Variants in ZBTB21 observed in about 807,000 individuals in gnomAD.
ZBTB21 encodes the protein zinc finger and BTB domain containing 21.
Under a neutral mutation model 39.8 loss-of-function variants are expected in ZBTB21, and 10 were observed. The ratio of observed to expected loss-of-function variants is 0.25; its 90% CI spans 0.16 to 0.43. ZBTB21 has a LOEUF of 0.43. ZBTB21 is among the 20% of genes least tolerant of loss of function. ZBTB21 has a pLI of 1.00. For missense variants in ZBTB21, 1,221 were observed against 1,296.3 expected (o/e 0.94, Z 0.89); for synonymous variants, 551 against 498.8 (o/e 1.10, Z -1.40).
chr21:41,994,270 G>A (rs1181041813), intron 2 of ZBTB21, among the ~76,000 whole-genome samples, 162 bp from the exon 3 acceptor site: 1 of 152,164 alleles, frequency 6.6e-6, no homozygotes, highest in Non-Finnish European at 1.5e-5. Flanking sequence ...AAATAATGGT[G>A]AAAATGTAAA....
At chr21:42,001,195 G>C (rs2065813287) in intron 2 of ZBTB21, among the ~76,000 whole-genome samples, 1 of 149,328 alleles carries the variant, frequency 6.7e-6, no homozygotes, top group South Asian at 2.1e-4. Flanking sequence ...CAGAGGCTAA[G>C]CTCTTAACCC....
chr21:41,997,039 T>C (rs562094279), intron 2 of ZBTB21, among the ~76,000 whole-genome samples: 2 of 152,212 alleles, frequency 1.3e-5, no homozygotes, highest in African/African-American at 4.8e-5. Context: ...GTCTCAGGTA[T>C]GTCTTTATTA....
intron 2 of ZBTB21, among the ~76,000 whole-genome samples, chr21:41,996,504 T>C (rs1217254872): frequency 6.6e-6 from 1 of 152,218 alleles, no homozygotes; most frequent in African/African-American, 2.4e-5. Context: ...CCAATGCCTG[T>C]ACCCCCACTG....
rs750386843 is a variant in ZBTB21 at position 41,991,399 on chromosome 21, T to C, written c.2697A>G (p.Glu899=). 3.7e-6 allele frequency: 6 copies of C among 1,608,108 alleles called. No homozygotes were observed. The Admixed American group carries it at 1.0e-4, about 27-fold the overall frequency. ...GGCTGGCTTCTTTGCTAGGACCCGC[T>C]TCTTTGGGGGCTGTGCTGGCCTCGG... ...EAPEASTAPK[E]AGPSKEASLW... Residue 899 remains glutamate (E), a synonymous_variant, in exon 3 of 3, where the codon GAA becomes GAG. Coordinates refer to ENST00000310826, the MANE Select transcript of ZBTB21 (RefSeq NM_001098402.2). The surrounding 1 kb of genome is among the most constrained non-coding windows in gnomAD (Gnocchi z 4.9).
chr21:41,991,830 T>A lies in ZBTB21; in HGVS notation c.2266A>T (p.Arg756Trp). ...NAAVCPYCSL[R>W]FFSPELKQEH... ...TGCTTCAGCTCGGGCGAGAAAAACC[T>A]GAGGCTGCAGTAAGGGCAGACGGCC... Residue 756 changes from arginine (R) to tryptophan (W), a missense_variant, in exon 3 of 3, where the codon AGG becomes TGG. This residue lies in a region of ZBTB21 where 523 missense variants were observed against 542.5 expected (regional missense o/e 0.96). Transcript: ENST00000310826. The surrounding 1 kb of genome is among the most constrained non-coding windows in gnomAD (Gnocchi z 4.9). 1 of 1,614,228 alleles carries A rather than the reference T, an allele frequency of 6.2e-7. No homozygotes were observed. Among genetic ancestry groups the A allele is most frequent in the Admixed American group, 1.7e-5 (1 of 60,030 alleles).
In ZBTB21 at chr21:41,993,216, C is replaced by T. The variant is rs751692990; in HGVS notation, c.880G>A (p.Glu294Lys). 3.5e-5 allele frequency: 56 copies of T among 1,612,026 alleles called. 1 individual carries two copies. In the South Asian group the frequency reaches 5.7e-4, roughly 16 times the overall value. ...SSSETPYLLKETNKGNGQGED... is the reference protein window; with the variant it reads ...SSSETPYLLKKTNKGNGQGED... Reference sequence around the variant, plus strand: ...CCTTGACCATTTCCTTTGTTAGTTTCTTTTAATAGATAGGGAGTCTCTGAT... The same window carrying T: ...CCTTGACCATTTCCTTTGTTAGTTTTTTTTAATAGATAGGGAGTCTCTGAT... Residue 294 changes from glutamate (E) to lysine (K), a missense_variant, in exon 3 of 3, where the codon GAA becomes AAA. By Grantham distance (56) the Glu-to-Lys change is moderately conservative. This residue lies in a region of ZBTB21 where 500 missense variants were observed against 465.6 expected (regional missense o/e 1.07). Transcript: ENST00000310826.
At chr21:42,006,918 G>A (rs986496102) in intron 1 of ZBTB21, among the ~76,000 whole-genome samples, 7 of 152,196 alleles carry the variant, frequency 4.6e-5, no homozygotes, top group Admixed American at 2.0e-4. Flanking sequence ...AGCCTCAGAA[G>A]AAGCCAACCC....
At position 41,991,620 on chromosome 21, in the gene ZBTB21, G is replaced by C. The variant is rs760398117; in HGVS notation, c.2476C>G (p.Pro826Ala). The C allele has an allele frequency of 8.1e-6, 13 of 1,614,036 alleles. No homozygotes were observed. The highest frequency in any genetic ancestry group is 1.1e-5 in the Non-Finnish European group (13 of 1,180,032). ...TTGTTGGGCTCAGGCTGGGATTGGGGCCTTGAAGAACCAGTCACATCACCA... is the reference window on the plus strand; with the variant it reads ...TTGTTGGGCTCAGGCTGGGATTGGGCCCTTGAAGAACCAGTCACATCACCA... ...HNGDVTGSSR[P>A]QSQPEPNKVN... is the part of the protein sequence containing the mutation. The change falls in exon 3 of 3, where the codon CCC (proline) becomes GCC (alanine). Residue 826 changes from proline to alanine, a missense_variant. Around this residue, in one of 4 missense-constraint regions of ZBTB21, gnomAD observed 523 missense variants for 542.5 expected, o/e 0.96. Coordinates refer to ENST00000310826, the MANE Select transcript of ZBTB21 (RefSeq NM_001098402.2). The surrounding 1 kb of genome is among the most constrained non-coding windows in gnomAD (Gnocchi z 4.9).
chr21:42,008,379 G>C (rs1310794560), intron 1 of ZBTB21, among the ~76,000 whole-genome samples: 1 of 144,564 alleles, frequency 6.9e-6, no homozygotes, highest in Non-Finnish European at 1.5e-5. Flanking sequence ...TTAGCTGGGC[G>C]ATGTGGCGGA....
At chr21:42,000,446 C>A (rs2187239) in intron 2 of ZBTB21, among the ~76,000 whole-genome samples, 96,429 of 151,920 alleles carry the variant, frequency 0.63, 32,130 homozygotes, top group African/African-American at 0.78. Flanking sequence ...GCACAGGTAA[C>A]GGCTAACCAC....
rs1362887961 is a variant in ZBTB21, at chr21:41,993,552, C to A, written c.544G>T (p.Val182Phe). The A allele has an allele frequency of 6.2e-7, 1 of 1,614,226 alleles. No homozygotes were observed. The highest frequency in any genetic ancestry group is 8.5e-7 in the Non-Finnish European group (1 of 1,180,032). Residue 182 changes from valine (V) to phenylalanine (F), a missense_variant, in exon 3 of 3, where the codon GTC becomes TTC. By Grantham distance (50) the Val-to-Phe change is conservative (BLOSUM62 -1). This residue lies in a region of ZBTB21 where 500 missense variants were observed against 465.6 expected (regional missense o/e 1.07). Transcript: ENST00000310826. ...HTSRPSPSIA[V>F]KANTNKPHVP... ...TGTGGCTTATTGGTATTGGCCTTGA[C>A]TGCAATGCTAGGAGAGGGCCGGGAA...
chr21:41,994,205 C>A, intron 2 of ZBTB21, 97 bp from the exon 3 acceptor site: 1 of 1,016,302 alleles, frequency 9.8e-7, no homozygotes, highest in Non-Finnish European at 1.4e-6. Flanking sequence ...GCATAGGTAC[C>A]AATATTTAGC....
At position 41,992,488 on chromosome 21, in the gene ZBTB21, C is replaced by T. The variant is rs373761768; in HGVS notation, c.1608G>A (p.Glu536=). Residue 536 remains glutamate, a synonymous_variant, in exon 3 of 3, where the codon GAG becomes GAA. Transcript: ENST00000310826. The surrounding 1 kb of genome is among the most constrained non-coding windows in gnomAD (Gnocchi z 4.1). ...TTTTGTTTGGTCTCGTCCCCTCCAA[C>T]TCACCAAATTCGTCTTTATTCAAAT... ...DSDLNKDEFG[E]LEGTRPNKKF... 5 of 1,614,094 alleles carry T rather than the reference C, an allele frequency of 3.1e-6. No individual in the cohort carries two copies. Among genetic ancestry groups the T allele is most frequent in the African/African-American group, 2.7e-5 (2 of 74,914 alleles).
Position 41,991,653 on chromosome 21 carries a change from C to T in ZBTB21, c.2443G>A (p.Asp815Asn). The change falls in exon 3 of 3, where the codon GAC becomes AAC. Residue 815 changes from aspartate (D) to asparagine (N), a missense_variant. This residue lies in a region of ZBTB21 where 523 missense variants were observed against 542.5 expected (regional missense o/e 0.96). Transcript: ENST00000310826. The surrounding 1 kb of genome is among the most constrained non-coding windows in gnomAD (Gnocchi z 4.9). ...GAACCAGTCACATCACCATTGTGGT[C>T]CAAAACGGGCAAAGAAAAGTTTTCG... Reference protein sequence around the residue: ...PTENFSLPVLDHNGDVTGSSR... With the variant: ...PTENFSLPVLNHNGDVTGSSR... The T allele has an allele frequency of 6.2e-7, 1 of 1,614,062 alleles. No individual in the cohort carries two copies. The highest frequency in any genetic ancestry group is 8.5e-7 in the Non-Finnish European group (1 of 1,180,012).
Position 41,991,252 on chromosome 21 carries a change from A to C in ZBTB21, c.2844T>G (p.Thr948=). 1 of 1,614,198 alleles carries C rather than the reference A, an allele frequency of 6.2e-7. No homozygotes were observed. The highest frequency in any genetic ancestry group is 8.5e-7 in the Non-Finnish European group (1 of 1,180,034). Residue 948 remains threonine, a synonymous_variant, in exon 3 of 3, where the codon ACT becomes ACG. Transcript: ENST00000310826. The surrounding 1 kb of genome is among the most constrained non-coding windows in gnomAD (Gnocchi z 4.9). ...GGAAGTGACTCCAGAGTCGAAAATTAGTGCGAAAAGCTTTGTTGCACACGT... is the reference window on the plus strand; with the variant it reads ...GGAAGTGACTCCAGAGTCGAAAATTCGTGCGAAAAGCTTTGTTGCACACGT... ...ICHVCNKAFR[T]NFRLWSHFQS...
intron 2 of ZBTB21, among the ~76,000 whole-genome samples, chr21:42,001,289 CAAAT>C (rs1331423648): frequency 6.6e-6 from 1 of 152,202 alleles, no homozygotes; most frequent in Non-Finnish European, 1.5e-5. Context: ...TTTTTACAAA[CAAAT>C]GAGAAAACTG....
At chr21:42,003,370 T>A (rs1410008927) in intron 1 of ZBTB21, among the ~76,000 whole-genome samples, 1 of 152,246 alleles carries the variant, frequency 6.6e-6, no homozygotes. Context: ...GTAGCTCACA[T>A]TTCCATGTTA....
At chr21:41,995,491 G>A (rs2065734120) in intron 2 of ZBTB21, among the ~76,000 whole-genome samples, 1 of 152,176 alleles carries the variant, frequency 6.6e-6, no homozygotes, top group Admixed American at 6.5e-5. Flanking sequence ...GAATTTCTAG[G>A]CAGCAAAGCA....
At position 41,991,391 on chromosome 21, in the gene ZBTB21, G is replaced by A. The variant is rs751296592; in HGVS notation, c.2705C>T (p.Pro902Leu). The A allele has an allele frequency of 1.0e-5, 16 of 1,607,358 alleles. No homozygotes were observed. The highest frequency in any genetic ancestry group is 1.7e-4 in the Middle Eastern group (1 of 5,998). Residue 902 changes from proline to leucine, a missense_variant, in exon 3 of 3, where the codon CCT becomes CTT. Around this residue, in one of 4 missense-constraint regions of ZBTB21, gnomAD observed 523 missense variants for 542.5 expected, o/e 0.96. Coordinates refer to ENST00000310826, the MANE Select transcript of ZBTB21 (RefSeq NM_001098402.2). The surrounding 1 kb of genome is among the most constrained non-coding windows in gnomAD (Gnocchi z 4.9). ...GGGCCACAGGCTGGCTTCTTTGCTA[G>A]GACCCGCTTCTTTGGGGGCTGTGCT... is the stretch of plus-strand genomic sequence containing the variant. ...EASTAPKEAG[P>L]SKEASLWPCE...
Sources: allele counts gnomAD v4.1 joint callset (sites outside exome capture counted in the v4.1 genomes callset), GRCh38; gene constraint gnomAD v4.1.1; regional missense constraint gnomAD v4.1.1; non-coding constraint Gnocchi (gnomAD v3.1); transcripts MANE v1.5; gene names NCBI Gene and HGNC (gene_info 2026-07-23, HGNC 2026-07-21).